MICU1: variants seen among roughly 807,000 people sequenced by gnomAD.
MICU1 encodes the protein calcium uptake protein 1, mitochondrial.
In MICU1, 45 loss-of-function variants were observed where a neutral mutation model predicts 56.8. The ratio of observed to expected loss-of-function variants is 0.79; its 90% CI spans 0.62 to 1.02. MICU1 has a LOEUF of 1.02. Among genes scored for constraint, MICU1 ranks in the 50% least tolerant of loss-of-function variants. MICU1 has a pLI of 0.00. For synonymous variants in MICU1, 186 were observed against 195.1 expected, an observed-to-expected ratio of 0.95 and a Z score of 0.39; for missense variants, 504 against 587.1, an observed-to-expected ratio of 0.86 and a Z score of 1.46.
chr10:72,450,176 G>A (rs1865250771), intron 8 of MICU1, among the ~76,000 whole-genome samples: 1 of 151,996 alleles, frequency 6.6e-6, no homozygotes, highest in South Asian at 2.1e-4. Flanking sequence ...AAAGTACAGA[G>A]TCCTTTGGAA....
chr10:72,570,636 C>A (rs1840585049), intron 1 of MICU1, among the ~76,000 whole-genome samples: 1 of 152,220 alleles, frequency 6.6e-6, no homozygotes, highest in South Asian at 2.1e-4. Context: ...TAGCTCCCTT[C>A]ATCCAATCTA....
At chr10:72,466,254 A>G (rs1358430357) in intron 8 of MICU1, among the ~76,000 whole-genome samples, 2 of 152,200 alleles carry the variant, frequency 1.3e-5, no homozygotes, top group Non-Finnish European at 2.9e-5. Flanking sequence ...GAGGTCATTC[A>G]TGTCCCCGCG....
At chr10:72,441,727 G>A (rs573603157) in intron 8 of MICU1, among the ~76,000 whole-genome samples, 1 of 141,134 alleles carries the variant, frequency 7.1e-6, no homozygotes, top group Admixed American at 7.7e-5. Flanking sequence ...AGTGATTCTT[G>A]TGCCTCAGCC....
intron 10 of MICU1, among the ~76,000 whole-genome samples, chr10:72,406,369 A>G (rs1863631105): frequency 6.6e-6 from 1 of 152,308 alleles, no homozygotes; most frequent in South Asian, 2.1e-4. Flanking sequence ...CTCGTGAATT[A>G]TAAGATGCTA....
At chr10:72,386,961 C>G (rs1033061343) in intron 10 of MICU1, among the ~76,000 whole-genome samples, 1 of 152,186 alleles carries the variant, frequency 6.6e-6, no homozygotes, top group African/African-American at 2.4e-5. Context: ...TTTTACATTT[C>G]CTAACAAGGA....
At chr10:72,541,178 T>TC (rs1839766175) in intron 4 of MICU1, among the ~76,000 whole-genome samples, 1 of 152,234 alleles carries the variant, frequency 6.6e-6, no homozygotes, top group East Asian at 1.9e-4. Flanking sequence ...ATTGGAGGAA[T>TC]TTAGACTATA....
intron 1 of MICU1, among the ~76,000 whole-genome samples, chr10:72,591,295 C>A (rs1841217611): frequency 6.6e-6 from 1 of 151,814 alleles, no homozygotes; most frequent in Admixed American, 6.6e-5. Flanking sequence ...CACAGCTGAA[C>A]AACCTAACTT....
At position 72,394,629 on chromosome 10, in the gene MICU1, A is replaced by G. The variant is rs74772952; in HGVS notation, c.1180+13300T>C. On this transcript the variant is annotated intron_variant, in intron 10 of 11. Coordinates refer to ENST00000361114, the MANE Select transcript of MICU1 (RefSeq NM_001195518.2). ...TGACAAAGACTCTGTCTCAAAAAGA[A>G]AAAAAAAAAACCCACCCATATGTAG... is the stretch of plus-strand genomic sequence containing the variant. Among the ~76,000 whole-genome samples, 270 of 149,916 alleles carry G rather than the reference A, an allele frequency of 1.8e-3. 1 individual carries two copies. Among genetic ancestry groups the G allele is most frequent in the African/African-American group, 6.2e-3 (253 of 40,896 alleles).
At chr10:72,381,270 C>G (rs1862694138) in intron 10 of MICU1, among the ~76,000 whole-genome samples, 9 of 152,160 alleles carry the variant, frequency 5.9e-5, no homozygotes, top group Admixed American at 5.9e-4. Flanking sequence ...AAATCAAAAG[C>G]TGACTGGTGA....
At chr10:72,418,708 A>G (rs908856409) in intron 9 of MICU1, among the ~76,000 whole-genome samples, 6 of 152,196 alleles carry the variant, frequency 3.9e-5, no homozygotes, top group African/African-American at 1.2e-4. Context: ...ATGTCAGCCA[A>G]ATGAAAACTT....
intron 1 of MICU1, among the ~76,000 whole-genome samples, chr10:72,603,739 G>A (rs1841608881): frequency 6.6e-6 from 1 of 152,292 alleles, no homozygotes; most frequent in East Asian, 1.9e-4. Context: ...GGGAGGCAGA[G>A]GTTGTGGTGA....
intron 10 of MICU1, among the ~76,000 whole-genome samples, chr10:72,383,456 A>ATGG (rs1446792122): frequency 2.6e-5 from 4 of 152,186 alleles, no homozygotes; most frequent in African/African-American, 9.7e-5. Context: ...TTCCCACAAA[A>ATGG]TGGTGGTGTA....
chr10:72,486,294 A>G (rs1459758745), intron 6 of MICU1, among the ~76,000 whole-genome samples: 1 of 152,196 alleles, frequency 6.6e-6, no homozygotes, highest in African/African-American at 2.4e-5. Flanking sequence ...GAATATGGCA[A>G]TAGAACAAAT....
At chr10:72,580,384 C>T (rs1055583704) in intron 1 of MICU1, among the ~76,000 whole-genome samples, 4 of 152,168 alleles carry the variant, frequency 2.6e-5, no homozygotes, top group Admixed American at 1.3e-4. Context: ...CATTTCAATA[C>T]TTTTCCAATT....
At chr10:72,575,900 C>T (rs1840728678) in intron 1 of MICU1, among the ~76,000 whole-genome samples, 1 of 152,124 alleles carries the variant, frequency 6.6e-6, no homozygotes, top group South Asian at 2.1e-4. Flanking sequence ...ACAAATTTCA[C>T]ACATCTCACT....
chr10:72,510,939 G>A (rs1398999211), intron 5 of MICU1, among the ~76,000 whole-genome samples: 1 of 152,156 alleles, frequency 6.6e-6, no homozygotes, highest in East Asian at 1.9e-4. Flanking sequence ...GCCAAATCCA[G>A]TCCATTTTCA....
chr10:72,529,962 T>C (rs1038182023), intron 5 of MICU1, among the ~76,000 whole-genome samples: 16 of 147,968 alleles, frequency 1.1e-4, no homozygotes, highest in Non-Finnish European at 1.8e-4. Context: ...TTTTTTTTTT[T>C]TTTTTTTCTT....
intron 1 of MICU1, among the ~76,000 whole-genome samples, chr10:72,623,300 CAAA>C (rs1164753291): frequency 5.4e-5 from 3 of 55,948 alleles, no homozygotes; most frequent in African/African-American, 8.0e-5. Flanking sequence ...GACTCCGTCT[CAAA>C]AAAAAAAAAA....
At chr10:72,474,155 C>A (rs188347663) in intron 8 of MICU1, among the ~76,000 whole-genome samples, 49 of 145,556 alleles carry the variant, frequency 3.4e-4, no homozygotes, top group African/African-American at 1.2e-3. Context: ...ACTCGAGAGG[C>A]TGAGGCAGGA....
Sources: allele counts gnomAD v4.1 joint callset (sites outside exome capture counted in the v4.1 genomes callset), GRCh38; gene constraint gnomAD v4.1.1; transcripts MANE v1.5; gene names NCBI Gene and HGNC (gene_info 2026-07-23, HGNC 2026-07-21).